The following PARVB variants were observed in gnomAD, a reference collection of about 807,000 sequenced individuals.
The protein encoded by PARVB is parvin beta.
A neutral mutation model predicts 47.0 loss-of-function variants in PARVB; 46 were observed. The observed-to-expected ratio is 0.98, with a 90% CI of 0.77 to 1.25. The LOEUF (loss-of-function observed/expected upper bound fraction) is 1.25. PARVB is among the 50% of genes most tolerant of loss of function. The pLI, the probability that PARVB is intolerant of heterozygous loss-of-function variation, is 0.00. For synonymous variants in PARVB, 196 were observed against 196.3 expected (o/e 1.00, Z 0.01); for missense variants, 473 against 471.6 (o/e 1.00, Z -0.03).
At chr22:44,011,101 G>A (rs1425650632) in intron 2 of PARVB, among the ~76,000 whole-genome samples, 6 of 152,028 alleles carry the variant, frequency 3.9e-5, no homozygotes, top group Non-Finnish European at 8.8e-5. Context: ...TGCGATTACA[G>A]GCGTGAGCCA....
chr22:44,101,822 T>C (rs1207878970), intron 3 of PARVB, among the ~76,000 whole-genome samples: 1 of 152,228 alleles, frequency 6.6e-6, no homozygotes, highest in East Asian at 1.9e-4. Flanking sequence ...ATTAATAACT[T>C]AAATTATTTA....
At chr22:44,167,740 C>T (rs565262081) in intron 12 of PARVB, among the ~76,000 whole-genome samples, 56 of 151,512 alleles carry the variant, frequency 3.7e-4, no homozygotes, top group African/African-American at 1.2e-3. Context: ...GACAGAGCCC[C>T]GGGTGTGTCC....
At chr22:44,055,107 C>G (rs181848287) in intron 1 of PARVB, among the ~76,000 whole-genome samples, 5 of 148,710 alleles carry the variant, frequency 3.4e-5, no homozygotes, top group African/African-American at 1.2e-4. Flanking sequence ...ATTACACATA[C>G]AAAAGAGTGT....
chr22:44,140,290 C>T lies in PARVB; in HGVS notation c.712+147C>T, dbSNP rs2053525925. 8.6e-6 allele frequency: 7 copies of T among 814,312 alleles called. No homozygotes were observed. The South Asian group carries it at 9.8e-5, about 11-fold the overall frequency. The allele number at this position is 814,312 out of a possible 1,614,324, so 50.4% of individuals were successfully genotyped here. On this transcript the variant is annotated intron_variant, in intron 8 of 12. Coordinates refer to ENST00000338758, the MANE Select transcript of PARVB (RefSeq NM_013327.5). ...TAGTTCTGGAATCCTAGAGAAAGTG[C>T]ACAGCCCACCCCCACCTTTCTGTAT...
At chr22:44,099,829 G>A (rs949291427) in intron 2 of PARVB, among the ~76,000 whole-genome samples, 15 of 152,156 alleles carry the variant, frequency 9.9e-5, no homozygotes, top group African/African-American at 3.1e-4. Context: ...TGGGAGGAGC[G>A]AGGCCGGGCA....
intron 4 of PARVB, among the ~76,000 whole-genome samples, chr22:44,126,521 A>C (rs772456198): frequency 1.3e-5 from 2 of 152,116 alleles, no homozygotes; most frequent in Non-Finnish European, 2.9e-5. Context: ...CCTTTGGCTG[A>C]TGCTGTCTGA....
chr22:44,162,235 T>C (rs1313466618), intron 11 of PARVB, among the ~76,000 whole-genome samples: 1 of 152,258 alleles, frequency 6.6e-6, no homozygotes, highest in African/African-American at 2.4e-5. Flanking sequence ...AATTATTAAA[T>C]TACATTGCAA....
At chr22:44,093,246 G>T (rs1016702048) in intron 1 of PARVB, among the ~76,000 whole-genome samples, 10 of 152,212 alleles carry the variant, frequency 6.6e-5, no homozygotes, top group African/African-American at 2.4e-4. Flanking sequence ...GGTGCAGGGA[G>T]ATGAGGGGTC....
In PARVB at chr22:44,171,329, C is replaced by G. The variant is rs1202911486; in HGVS notation, c.*2651C>G. The G allele has an allele frequency of 1.3e-5, 2 of 152,052 alleles. 1 individual carries two copies. Among genetic ancestry groups the G allele is most frequent in the Non-Finnish European group, 2.9e-5 (2 of 68,000 alleles). The allele number at this position is 152,052 out of a possible 1,614,324, so 9.4% of individuals were successfully genotyped here. A position where few individuals can be genotyped will look rare whatever the true frequency, so the allele number is the denominator to read the frequency against. The stretch of plus-strand genomic sequence containing the variant: ...TGGCCAACATGGTGAAACCCCATGT[C>G]TACTAAAAATACAAAAATTAGCCAT... On this transcript the variant is annotated 3_prime_UTR_variant, in exon 13 of 13. Coordinates refer to ENST00000338758, the MANE Select transcript of PARVB (RefSeq NM_013327.5).
intron 1 of PARVB, among the ~76,000 whole-genome samples, chr22:44,032,093 A>C (rs1424432235): frequency 2.6e-5 from 4 of 152,214 alleles, no homozygotes; most frequent in Non-Finnish European, 5.9e-5. Context: ...AATGGTATTA[A>C]TTTGCTTATC....
intron 2 of PARVB, among the ~76,000 whole-genome samples, chr22:44,099,757 G>A (rs1446587012): frequency 4.6e-5 from 7 of 152,156 alleles, no homozygotes; most frequent in Non-Finnish European, 8.8e-5. Context: ...CCCTGTGAAT[G>A]CTGCTCTCTC....
intron 1 of PARVB, among the ~76,000 whole-genome samples, chr22:44,063,337 C>T (rs1167307766): frequency 1.3e-5 from 2 of 151,946 alleles, no homozygotes; most frequent in African/African-American, 4.8e-5. Flanking sequence ...AGTGATTCTC[C>T]TGCCTCAGCC....
chr22:44,147,414 A>T, intron 8 of PARVB: 1 of 335,732 alleles, frequency 3.0e-6, no homozygotes, highest in Non-Finnish European at 5.9e-6. Flanking sequence ...AGCTGCTCCC[A>T]GGCGAGGGGC....
rs146082151 is a variant in PARVB at position 44,130,810 on chromosome 22, T to A, written c.377-677T>A. Among the ~76,000 whole-genome samples, 296 of 152,332 alleles carry A rather than the reference T, an allele frequency of 1.9e-3. 2 individuals are homozygous for A. Among genetic ancestry groups the A allele is most frequent in the African/African-American group, 6.7e-3 (278 of 41,578 alleles). The stretch of plus-strand genomic sequence containing the variant: ...TTATGTTTTTTCCATTTTGTATGCA[T>A]AGAATGTTCCCGAGTATAACACCCA... On this transcript the variant is annotated intron_variant, in intron 4 of 12. Coordinates refer to ENST00000338758, the MANE Select transcript of PARVB (RefSeq NM_013327.5).
intron 1 of PARVB, among the ~76,000 whole-genome samples, chr22:44,093,309 T>A (rs1339486500): frequency 1.3e-5 from 2 of 152,224 alleles, no homozygotes; most frequent in Non-Finnish European, 2.9e-5. Context: ...ATCCTGTAAC[T>A]GTTCAGCACT....
chr22:44,004,458 G>A (rs897595452), intron 2 of PARVB, among the ~76,000 whole-genome samples: 1 of 152,164 alleles, frequency 6.6e-6, no homozygotes, highest in African/African-American at 2.4e-5. Context: ...TCTGTGGACA[G>A]TGGACCTTAT....
chr22:44,037,282 G>A (rs2050939035), intron 1 of PARVB, among the ~76,000 whole-genome samples: 1 of 151,954 alleles, frequency 6.6e-6, no homozygotes, highest in Non-Finnish European at 1.5e-5. Context: ...AATTAGCCAG[G>A]CATGGTGGCT....
chr22:44,055,678 C>CTCTCTCTCTCTCTCTATATATATATA (rs1438284048), intron 1 of PARVB, among the ~76,000 whole-genome samples: 1 of 142,680 alleles, frequency 7.0e-6, no homozygotes, highest in African/African-American at 2.6e-5. Flanking sequence ...CTCTCTCTCT[C>CTCTCTCTCTCTCTCTATATATATATA]TATATATATA....
intron 3 of PARVB, chr22:44,113,299 A>G (rs71279399): frequency 0.053 from 1,933 of 36,770 alleles, no homozygotes; most frequent in African/African-American, 0.06. Context: ...CCCTGCACCA[A>G]CACAGATACA....
Sources: gnomAD v4.1 joint callset for allele counts (sites outside exome capture counted in the v4.1 genomes callset) on GRCh38, gnomAD v4.1.1 for gene constraint, MANE v1.5 for transcripts, NCBI Gene and HGNC (gene_info 2026-07-23, HGNC 2026-07-21) for gene names.